The following BNC2 variants were observed in gnomAD, a reference collection of about 807,000 sequenced individuals.
The protein encoded by BNC2 is basonuclin zinc finger protein 2, also known as zinc finger protein basonuclin-2.
Under a neutral mutation model 76.3 loss-of-function variants are expected in BNC2, and 20 were observed. That is an observed-to-expected ratio of 0.26 (90% CI 0.18 to 0.38). The LOEUF is 0.38. Ranked by LOEUF, BNC2 falls within the 10% of genes least tolerant of loss-of-function variation. The pLI is 1.00. For synonymous variants in BNC2, 582 were observed against 514.8 expected, an observed-to-expected ratio of 1.13 and a Z score of -1.77; for missense variants, 1,382 against 1,399.8, an observed-to-expected ratio of 0.99 and a Z score of 0.20.
chr9:16,580,253 C>A, intron 4 of BNC2: 2 of 398,096 alleles, frequency 5.0e-6, no homozygotes, highest in East Asian at 3.6e-5. Context: ...CAACCCCTCA[C>A]TGCTGTATTT....
At chr9:16,642,508 C>CACTG (rs1821516929) in intron 3 of BNC2, among the ~76,000 whole-genome samples, 3 of 152,134 alleles carry the variant, frequency 2.0e-5, no homozygotes, top group Admixed American at 2.0e-4. Flanking sequence ...ACTACAAAAC[C>CACTG]ACTGACCAAA....
At chr9:16,635,733 G>T (rs1427375525) in intron 3 of BNC2, among the ~76,000 whole-genome samples, 1 of 152,146 alleles carries the variant, frequency 6.6e-6, no homozygotes, top group Non-Finnish European at 1.5e-5. Flanking sequence ...TTCTAGATAC[G>T]ATCTATAATA....
intron 5 of BNC2, among the ~76,000 whole-genome samples, chr9:16,521,607 A>C (rs1473737249): frequency 6.6e-6 from 1 of 152,166 alleles, no homozygotes; most frequent in Non-Finnish European, 1.5e-5. Context: ...AAGACTCACC[A>C]ATAATTCTTT....
chr9:16,631,341 C>A, intron 3 of BNC2, among the ~76,000 whole-genome samples: 1 of 152,066 alleles, frequency 6.6e-6, no homozygotes, highest in Non-Finnish European at 1.5e-5. Context: ...GAACCCATAC[C>A]CCCACCGAAT....
intron 1 of BNC2, among the ~76,000 whole-genome samples, chr9:16,756,513 A>C (rs1355084566): frequency 6.6e-6 from 1 of 152,138 alleles, no homozygotes; most frequent in Non-Finnish European, 1.5e-5. Context: ...TTCAAATTGC[A>C]GCTGAGGTTC....
chr9:16,737,361 C>G (rs1824706203), intron 2 of BNC2, among the ~76,000 whole-genome samples: 1 of 150,960 alleles, frequency 6.6e-6, no homozygotes, highest in Non-Finnish European at 1.5e-5. Flanking sequence ...CACCATTCTC[C>G]TGCCTCAGCC....
chr9:16,627,636 C>A (rs953886988), intron 3 of BNC2, among the ~76,000 whole-genome samples: 3 of 152,082 alleles, frequency 2.0e-5, no homozygotes, highest in Non-Finnish European at 4.4e-5. Flanking sequence ...CATGTGTAGA[C>A]AAAGAAACTC....
intron 3 of BNC2, among the ~76,000 whole-genome samples, chr9:16,592,599 C>G (rs1250251624): frequency 6.6e-6 from 1 of 152,134 alleles, no homozygotes; most frequent in East Asian, 1.9e-4. Context: ...TCAGTGATAA[C>G]TGAACCTAAC....
intron 1 of BNC2, among the ~76,000 whole-genome samples, chr9:16,813,136 T>G (rs894971533): frequency 2.0e-5 from 3 of 152,094 alleles, no homozygotes; most frequent in South Asian, 4.1e-4. Flanking sequence ...AGGCCGAGGT[T>G]GCAGTGAGCT....
intron 5 of BNC2, among the ~76,000 whole-genome samples, chr9:16,465,537 C>A (rs1438566440): frequency 1.3e-5 from 2 of 151,516 alleles, no homozygotes; most frequent in Non-Finnish European, 2.9e-5. Context: ...AGAACAAACA[C>A]CAGCCATAAA....
chr9:16,659,479 A>G (rs907061744), intron 3 of BNC2, among the ~76,000 whole-genome samples: 4 of 151,960 alleles, frequency 2.6e-5, no homozygotes, highest in Admixed American at 1.3e-4. Context: ...GTGGTGGTGC[A>G]TGCCTGTAAT....
intron 1 of BNC2, among the ~76,000 whole-genome samples, chr9:16,774,376 C>A (rs1825908718): frequency 1.3e-5 from 2 of 152,214 alleles, no homozygotes; most frequent in Admixed American, 6.5e-5. Flanking sequence ...ATCTGATGAA[C>A]CAAATGCATC....
At chr9:16,548,207 T>C (rs1212528122) in intron 5 of BNC2, among the ~76,000 whole-genome samples, 1 of 152,076 alleles carries the variant, frequency 6.6e-6, no homozygotes, top group Non-Finnish European at 1.5e-5. Flanking sequence ...ACGTTCAAAC[T>C]GAAAGAGACT....
chr9:16,712,689 G>A (rs745845118), intron 3 of BNC2, among the ~76,000 whole-genome samples: 1 of 152,128 alleles, frequency 6.6e-6, no homozygotes, highest in Non-Finnish European at 1.5e-5. Flanking sequence ...GATCCCTTTT[G>A]AAAATACACT....
intron 3 of BNC2, among the ~76,000 whole-genome samples, chr9:16,714,629 C>G (rs1324092057): frequency 6.6e-6 from 1 of 152,166 alleles, no homozygotes; most frequent in South Asian, 2.1e-4. Context: ...ATGTTTAAAA[C>G]ACAAATGGCT....
chr9:16,736,621 G>A (rs1824679174), intron 2 of BNC2, among the ~76,000 whole-genome samples: 1 of 150,684 alleles, frequency 6.6e-6, no homozygotes, highest in African/African-American at 2.4e-5. Context: ...GATTACAGGT[G>A]CACACCACCA....
chr9:16,439,162 T>G (rs1028184700), intron 5 of BNC2, among the ~76,000 whole-genome samples: 8 of 152,202 alleles, frequency 5.3e-5, no homozygotes, highest in African/African-American at 1.9e-4. Flanking sequence ...CCCGGCCATG[T>G]GGAATTATGA....
intron 3 of BNC2, among the ~76,000 whole-genome samples, chr9:16,699,867 T>A (rs1823455637): frequency 6.6e-6 from 1 of 152,240 alleles, no homozygotes; most frequent in Non-Finnish European, 1.5e-5. Context: ...AAGAGCTACA[T>A]AAATTCCCAA....
intron 1 of BNC2, among the ~76,000 whole-genome samples, chr9:16,763,023 T>G (rs1051404613): frequency 6.6e-6 from 1 of 152,154 alleles, no homozygotes; most frequent in African/African-American, 2.4e-5. Context: ...AATACAGTGA[T>G]GTTCTGATCA....
Sources: gnomAD v4.1 joint callset for allele counts (sites outside exome capture counted in the v4.1 genomes callset) on GRCh38, gnomAD v4.1.1 for gene constraint, MANE v1.5 for transcripts, NCBI Gene and HGNC (gene_info 2026-07-23, HGNC 2026-07-21) for gene names.